Variants in SLC6A17 observed in about 807,000 individuals in gnomAD.
SLC6A17 encodes the protein solute carrier family 6 member 17, also known as sodium-dependent neutral amino acid transporter SLC6A17.
A neutral mutation model predicts 64.5 loss-of-function variants in SLC6A17; 21 were observed. The observed-to-expected ratio is 0.33, with a 90% CI of 0.23 to 0.47. The LOEUF is 0.47. Among genes scored for constraint, SLC6A17 ranks in the 20% least tolerant of loss-of-function variants. The probability of loss-of-function intolerance (pLI) is 1.00; values close to 1 mark genes in which losing one functional copy is unlikely to be tolerated. For synonymous variants in SLC6A17, 372 were observed against 399.5 expected, an observed-to-expected ratio of 0.93 and a Z score of 0.82; for missense variants, 682 against 963.2, an observed-to-expected ratio of 0.71 and a Z score of 3.86.
At position 110,185,116 on chromosome 1, in the gene SLC6A17, G is replaced by T. The variant is rs556370764; in HGVS notation, c.865-6856G>T. 4.2e-4 allele frequency among the ~76,000 whole-genome samples: 64 copies of T among 152,286 alleles called. 1 individual carries two copies. Among genetic ancestry groups the T allele is most frequent in the Admixed American group, 2.9e-3 (45 of 15,308 alleles). On this transcript the variant is annotated intron_variant, in intron 6 of 11. Coordinates refer to ENST00000331565, the MANE Select transcript of SLC6A17 (RefSeq NM_001010898.4). ...CAGAGCGTGGGCTCTGGAGCCAGACGATCTGGTTCAGACTCTACCTCATCA... is the reference window on the plus strand; with the variant it reads ...CAGAGCGTGGGCTCTGGAGCCAGACTATCTGGTTCAGACTCTACCTCATCA...
In SLC6A17 at chr1:110,174,725, A is replaced by G. The variant is rs1656325886; in HGVS notation, c.572-54A>G. The G allele has an allele frequency of 5.7e-6, 9 of 1,584,488 alleles. No individual in the cohort carries two copies. In the South Asian group the frequency reaches 1.1e-4, roughly 19 times the overall value. On this transcript the variant is annotated intron_variant, in intron 4 of 11. Coordinates refer to ENST00000331565, the MANE Select transcript of SLC6A17 (RefSeq NM_001010898.4). The stretch of plus-strand genomic sequence containing the variant: ...CCCTGAGTGGTGGTCCAGCAGAGGA[A>G]GTGACCCCATAGGCCCTGCCACTGA...
intron 6 of SLC6A17, 112 bp downstream of exon 6, chr1:110,176,851 G>C: frequency 4.2e-6 from 4 of 944,588 alleles, no homozygotes; most frequent in Non-Finnish European, 6.6e-6. Context: ...GCTATGTGTT[G>C]GGTATCGTAC....
intron 6 of SLC6A17, among the ~76,000 whole-genome samples, chr1:110,183,860 G>GGAGGAGGACTTGGAGGGCT (rs1656597362): frequency 2.0e-5 from 3 of 152,116 alleles, no homozygotes; most frequent in African/African-American, 7.2e-5. Context: ...CAGGAAGGGA[G>GGAGGAGGACTTGGAGGGCT]GAGGAGGACT....
intron 6 of SLC6A17, among the ~76,000 whole-genome samples, chr1:110,177,354 A>G (rs1656401616): frequency 6.6e-6 from 1 of 152,170 alleles, no homozygotes; most frequent in African/African-American, 2.4e-5. Flanking sequence ...GGGGAGCAAG[A>G]TGAGCAGGAT....
At chr1:110,169,433 C>G (rs1311141098) in intron 2 of SLC6A17, among the ~76,000 whole-genome samples, 1 of 152,084 alleles carries the variant, frequency 6.6e-6, no homozygotes, top group African/African-American at 2.4e-5. Flanking sequence ...CATTTTCATC[C>G]TCTTTACCCA....
chr1:110,170,476 T>G (rs192924822), intron 2 of SLC6A17, among the ~76,000 whole-genome samples: 1 of 152,130 alleles, frequency 6.6e-6, no homozygotes, highest in Admixed American at 6.5e-5. Flanking sequence ...AGAGCAAGAC[T>G]CCCTCTCAAA....
chr1:110,183,268 A>C (rs537845180), intron 6 of SLC6A17, among the ~76,000 whole-genome samples: 1 of 152,262 alleles, frequency 6.6e-6, no homozygotes, highest in African/African-American at 2.4e-5. Context: ...ATATGCATAC[A>C]GTGGGATATT....
intron 9 of SLC6A17, 146 bp downstream of exon 9, chr1:110,194,917 C>A: frequency 1.0e-6 from 1 of 1,000,478 alleles, no homozygotes. Context: ...CTGGCTGTGC[C>A]ACTCAGTGAT....
chr1:110,194,670 T>C lies in SLC6A17; in HGVS notation c.1391T>C (p.Leu464Ser), dbSNP rs1656914740. Residue 464 changes from leucine (L) to serine (S), a missense_variant, in exon 9 of 12, where the codon TTG becomes TCG. Around this residue, in one of 3 missense-constraint regions of SLC6A17, gnomAD observed 415 missense variants for 603.8 expected, o/e 0.69. Transcript: ENST00000331565. ...CCGTTCTGGTCCGTCATGTTCTTCT[T>C]GATGCTTATCAACCTGGGCCTGGGC... is the stretch of plus-strand genomic sequence containing the variant. ...ASPFWSVMFFLMLINLGLGSM... is the reference protein window; with the variant it reads ...ASPFWSVMFFSMLINLGLGSM... The C allele has an allele frequency of 1.2e-6, 2 of 1,614,220 alleles. No individual in the cohort carries two copies. The highest frequency in any genetic ancestry group is 1.7e-6 in the Non-Finnish European group (2 of 1,180,042).
At chr1:110,174,717 G>A in intron 4 of SLC6A17, 62 bp from the exon 5 acceptor site, 2 of 1,573,776 alleles carry the variant, frequency 1.3e-6, no homozygotes, top group East Asian at 2.2e-5. Context: ...TGGTGGTCCA[G>A]CAGAGGAAGT....
chr1:110,158,227 G>A (rs1360133262), intron 1 of SLC6A17, among the ~76,000 whole-genome samples: 1 of 152,122 alleles, frequency 6.6e-6, no homozygotes, highest in African/African-American at 2.4e-5. Context: ...AAGAAGGAGG[G>A]AAAGAGATTT....
intron 6 of SLC6A17, among the ~76,000 whole-genome samples, chr1:110,185,294 A>G (rs1327814828): frequency 6.6e-6 from 1 of 152,206 alleles, no homozygotes; most frequent in Non-Finnish European, 1.5e-5. Context: ...AATGTTAGCT[A>G]TTATTATCCT....
intron 1 of SLC6A17, among the ~76,000 whole-genome samples, chr1:110,164,150 C>T (rs865779443): frequency 2.0e-5 from 3 of 152,204 alleles, no homozygotes; most frequent in African/African-American, 4.8e-5. Context: ...CAGAGGCTGG[C>T]ATATAGGAGG....
rs560828705 is a variant in SLC6A17 at position 110,201,581 on chromosome 1, C to T, written c.*3137C>T. The T allele has an allele frequency of 6.6e-6, 1 of 152,216 alleles. No individual in the cohort carries two copies. Among genetic ancestry groups the T allele is most frequent in the Non-Finnish European group, 1.5e-5 (1 of 68,040 alleles). The allele number at this position is 152,216 out of a possible 1,614,324, so 9.4% of individuals were successfully genotyped here. A position where few individuals can be genotyped will look rare whatever the true frequency, so the allele number is the denominator to read the frequency against. On this transcript the variant is annotated 3_prime_UTR_variant, in exon 12 of 12. Coordinates refer to ENST00000331565, the MANE Select transcript of SLC6A17 (RefSeq NM_001010898.4). ...GCCCGAGGCCCAGATGGGGGCTGAACAGGTAGGGCACATCAGTTAATGCCA... is the reference window on the plus strand; with the variant it reads ...GCCCGAGGCCCAGATGGGGGCTGAATAGGTAGGGCACATCAGTTAATGCCA...
chr1:110,163,157 G>A (rs2361043), intron 1 of SLC6A17, among the ~76,000 whole-genome samples: 68,813 of 151,834 alleles, frequency 0.45, 16,383 homozygotes, highest in Non-Finnish European at 0.53. Flanking sequence ...GGTCTTTTGG[G>A]TCCAAGCTGG....
At chr1:110,165,562 A>G (rs1656026192) in intron 1 of SLC6A17, among the ~76,000 whole-genome samples, 3 of 152,178 alleles carry the variant, frequency 2.0e-5, no homozygotes, top group Non-Finnish European at 4.4e-5. Context: ...ACGGAGGGCT[A>G]GCCAACCCCA....
At chr1:110,176,607 G>A in intron 5 of SLC6A17, 22 bp from the exon 6 acceptor site, 1 of 1,610,618 alleles carries the variant, frequency 6.2e-7, no homozygotes, top group Non-Finnish European at 8.5e-7. Flanking sequence ...TGCCTGATGG[G>A]GGTTCCCTGT....
intron 1 of SLC6A17, among the ~76,000 whole-genome samples, chr1:110,164,983 A>C (rs1656005172): frequency 6.6e-6 from 1 of 152,214 alleles, no homozygotes; most frequent in Admixed American, 6.5e-5. Flanking sequence ...GGCTGGAGAC[A>C]GGCTCTGAGC....
At position 110,183,722 on chromosome 1, in the gene SLC6A17, T is replaced by C. The variant is rs551216641; in HGVS notation, c.864+6983T>C. On this transcript the variant is annotated intron_variant, in intron 6 of 11. Coordinates refer to ENST00000331565, the MANE Select transcript of SLC6A17 (RefSeq NM_001010898.4). ...CAGCTAGGACCACACACAGTCCCCA[T>C]AGTAGCAGGAGGGAAAGGCTGGGCC... Among the ~76,000 whole-genome samples the C allele has an allele frequency of 1.1e-4, 17 of 152,150 alleles. No homozygotes were observed. The South Asian group carries it at 2.7e-3, about 24-fold the overall frequency.
Sources: allele counts gnomAD v4.1 joint callset (sites outside exome capture counted in the v4.1 genomes callset), GRCh38; gene constraint gnomAD v4.1.1; regional missense constraint gnomAD v4.1.1; transcripts MANE v1.5; gene names NCBI Gene and HGNC (gene_info 2026-07-23, HGNC 2026-07-21).